The following DGKK variants were observed in gnomAD, a reference collection of about 807,000 sequenced individuals.
DGKK encodes diacylglycerol kinase kappa.
In DGKK, 35 loss-of-function variants were observed where a neutral mutation model predicts 92.2. That is an observed-to-expected ratio of 0.38 (90% confidence interval 0.29 to 0.50). The LOEUF (loss-of-function observed/expected upper bound fraction) is 0.50. Ranked by LOEUF, DGKK falls within the 20% of genes least tolerant of loss-of-function variation. The probability of loss-of-function intolerance (pLI) is 0.92; values close to 1 mark genes in which losing one functional copy is unlikely to be tolerated. For missense variants in DGKK, 910 were observed against 992.2 expected, an observed-to-expected ratio of 0.92 and a Z score of 1.11; for synonymous variants, 368 against 360.6, an observed-to-expected ratio of 1.02 and a Z score of -0.23.
At chrX:50,431,330 G>A (rs1302483861) in intron 1 of DGKK, among the ~76,000 whole-genome samples, 3 of 111,314 alleles carry the variant, frequency 2.7e-5, no homozygotes, top group African/African-American at 6.5e-5. Context: ...TGCTTGGTTC[G>A]TTTTTGATGC....
chrX:50,434,738 T>G (rs1336117000), intron 1 of DGKK, among the ~76,000 whole-genome samples: 5 of 111,660 alleles, frequency 4.5e-5, no homozygotes, highest in African/African-American at 9.8e-5. Flanking sequence ...ATCCTGAATT[T>G]TGCATATATA....
At chrX:50,465,932 G>A (rs995844874) in intron 1 of DGKK, among the ~76,000 whole-genome samples, 1 of 109,662 alleles carries the variant, frequency 9.1e-6, no homozygotes, top group Non-Finnish European at 1.9e-5. Context: ...AGTGCCACAG[G>A]AGCAGAAGGA....
chrX:50,413,606 C>T (rs868968859), intron 4 of DGKK, among the ~76,000 whole-genome samples: 1 of 111,884 alleles, frequency 8.9e-6, no homozygotes, highest in Admixed American at 9.4e-5. Flanking sequence ...TGAAAAAATG[C>T]TCAATATCAT....
chrX:50,436,355 T>A (rs1926025380), intron 1 of DGKK, among the ~76,000 whole-genome samples: 1 of 112,139 alleles, frequency 8.9e-6, no homozygotes, highest in South Asian at 3.7e-4. Context: ...CTTGGAGAGA[T>A]GAAGTAGTTT....
At chrX:50,425,682 C>A (rs140937095) in intron 1 of DGKK, among the ~76,000 whole-genome samples, 1 of 111,519 alleles carries the variant, frequency 9.0e-6, no homozygotes, top group East Asian at 2.8e-4. Flanking sequence ...TTTACCTGAG[C>A]CCTCTTCATA....
At chrX:50,452,077 T>C (rs1262042085) in intron 1 of DGKK, among the ~76,000 whole-genome samples, 11 of 111,778 alleles carry the variant, frequency 9.8e-5, no homozygotes, top group African/African-American at 3.6e-4. Context: ...ATTTGATCCT[T>C]AGAAAAACCT....
chrX:50,388,247 T>C (rs145583888), intron 13 of DGKK, among the ~76,000 whole-genome samples: 2 of 112,293 alleles, frequency 1.8e-5, no homozygotes, highest in East Asian at 5.6e-4. Context: ...TAGGGAGCTA[T>C]GCTATGCTCC....
chrX:50,408,428 G>T (rs1925215013), intron 4 of DGKK, among the ~76,000 whole-genome samples: 1 of 111,887 alleles, frequency 8.9e-6, no homozygotes, highest in African/African-American at 3.3e-5. Context: ...GCCCAGGCTG[G>T]AGTGCAGTGG....
chrX:50,428,235 A>C (rs1009946666), intron 1 of DGKK, among the ~76,000 whole-genome samples: 12 of 110,009 alleles, frequency 1.1e-4, no homozygotes, highest in African/African-American at 4.0e-4. Flanking sequence ...ATTTTAGATT[A>C]AGTCTAGAAT....
intron 1 of DGKK, among the ~76,000 whole-genome samples, chrX:50,429,455 G>T (rs782599105): frequency 1.3e-3 from 142 of 112,078 alleles, no homozygotes; most frequent in Non-Finnish European, 2.3e-3. Flanking sequence ...GGAGGCCGAG[G>T]CGGGCGGATC....
chrX:50,446,568 A>AT (rs1258425221), intron 1 of DGKK, among the ~76,000 whole-genome samples: 1 of 110,453 alleles, frequency 9.1e-6, no homozygotes, highest in Non-Finnish European at 1.9e-5. Context: ...TTTTAATTAG[A>AT]TTTTTTGTTT....
rs782747182 is a variant in DGKK at position 50,370,346 on chromosome X, T to C, written c.3736+80A>G. 50 of 1,088,520 alleles carry C rather than the reference T, an allele frequency of 4.6e-5. No individual in the cohort carries two copies. In the Admixed American group the frequency reaches 9.6e-4, roughly 21 times the overall value. 89.7% of individuals were successfully genotyped at this position (1,088,520 alleles called of 1,213,427 possible). On this transcript the variant is annotated intron_variant, in intron 27 of 27. Transcript: ENST00000611977. ...TCACCATTCCCACAAACATTTCTAA[T>C]GGGGGCTTCAGGTCCCTGGGAGGTA...
At chrX:50,392,298 A>T in intron 10 of DGKK, 43 bp downstream of exon 10, 1 of 1,048,166 alleles carries the variant, frequency 9.5e-7, no homozygotes, top group South Asian at 1.9e-5. Context: ...GCACACCCCT[A>T]CTCTTTCTAG....
chrX:50,388,682 C>T, intron 12 of DGKK, 64 bp from the exon 13 acceptor site: 1 of 799,010 alleles, frequency 1.3e-6, no homozygotes, highest in Non-Finnish European at 1.8e-6. Flanking sequence ...GCTGCCCATC[C>T]TCATCCCCTG....
chrX:50,392,501 A>G (rs1953476787), intron 9 of DGKK, 52 bp from the exon 10 acceptor site: 1 of 990,931 alleles, frequency 1.0e-6, no homozygotes. Context: ...TGGGTTTTGT[A>G]ACTTTTCCTA....
intron 8 of DGKK, among the ~76,000 whole-genome samples, chrX:50,396,581 G>A (rs1557226146): frequency 9.0e-6 from 1 of 111,572 alleles, no homozygotes; most frequent in African/African-American, 3.3e-5. Flanking sequence ...CTGTAATTAA[G>A]GCAACTTGAA....
At chrX:50,465,019 T>C (rs1484016261) in intron 1 of DGKK, among the ~76,000 whole-genome samples, 2 of 111,835 alleles carry the variant, frequency 1.8e-5, no homozygotes, top group Admixed American at 1.9e-4. Context: ...GGGAAAATAA[T>C]GTCAGGAAGC....
intron 1 of DGKK, 82 bp downstream of exon 1, chrX:50,469,952 G>T (rs1378549900): frequency 1.8e-6 from 2 of 1,110,675 alleles, no homozygotes; most frequent in Admixed American, 3.2e-5. Flanking sequence ...GGGATGCAAG[G>T]GGTACCCGGA....
intron 18 of DGKK, among the ~76,000 whole-genome samples, chrX:50,380,478 G>A (rs1420786244): frequency 1.3e-4 from 14 of 111,215 alleles, no homozygotes; most frequent in African/African-American, 4.6e-4. Context: ...TTTGAAACAC[G>A]TGACTCTTAG....
Sources: gnomAD v4.1 joint callset for allele counts (sites outside exome capture counted in the v4.1 genomes callset) on GRCh38, gnomAD v4.1.1 for gene constraint, MANE v1.5 for transcripts, NCBI Gene and HGNC (gene_info 2026-07-23, HGNC 2026-07-21) for gene names.